The following THADA variants were observed in gnomAD, a reference collection of about 807,000 sequenced individuals.
THADA encodes the protein THADA armadillo repeat containing, also known as tRNA (32-2'-O)-methyltransferase regulator THADA.
Under a neutral mutation model 219.8 loss-of-function variants are expected in THADA, and 213 were observed. The ratio of observed to expected loss-of-function variants is 0.97; its 90% confidence interval spans 0.87 to 1.09. The LOEUF is 1.09. THADA is among the 50% of genes least tolerant of loss of function. The pLI, the probability that THADA is intolerant of heterozygous loss-of-function variation, is 0.00. For synonymous variants in THADA, 1,018 were observed against 828.9 expected (o/e 1.23, Z -3.92); for missense variants, 2,956 against 2,311.3 (o/e 1.28, Z -5.72).
At chr2:43,445,656 A>G (rs7556744) in intron 26 of THADA, among the ~76,000 whole-genome samples, 16,901 of 152,184 alleles carry the variant, frequency 0.11, 1,082 homozygotes, top group African/African-American at 0.16. Context: ...AGGTAGCCAT[A>G]GGATTTTTGG....
intron 30 of THADA, among the ~76,000 whole-genome samples, chr2:43,325,129 C>T (rs1303411833): frequency 6.6e-6 from 1 of 152,186 alleles, no homozygotes; most frequent in Non-Finnish European, 1.5e-5. Flanking sequence ...TTCTTTAAAT[C>T]TCCTGCCCTC....
At chr2:43,300,403 T>A (rs1676118522) in intron 31 of THADA, among the ~76,000 whole-genome samples, 1 of 152,070 alleles carries the variant, frequency 6.6e-6, no homozygotes, top group Non-Finnish European at 1.5e-5. Context: ...TTATTCCCAT[T>A]TTACAGATGA....
At chr2:43,510,987 A>C (rs919659099) in intron 22 of THADA, among the ~76,000 whole-genome samples, 5 of 146,338 alleles carry the variant, frequency 3.4e-5, no homozygotes, top group Admixed American at 6.7e-5. Flanking sequence ...AACTAAAAAA[A>C]TTTAAAAAAA....
rs6712958 is a variant in THADA, at chr2:43,556,523, T to G, written c.2496A>C (p.Ala832=). 8.7e-4 allele frequency: 1,409 copies of G among 1,613,844 alleles called. 17 individuals carry two copies. In the African/African-American group the frequency reaches 0.016, roughly 18 times the overall value. Residue 832 remains alanine, a synonymous_variant, in exon 17 of 38, where the codon GCA becomes GCC. Transcript: ENST00000405975. ...TGGTGCTTGTGCTGAGCTCCAATGC[T>G]GCCTGAAATAAGCCTTGCAGTTTCC... ...DSGKLQGLFQ[A]ALELSTSTKP...
chr2:43,487,402 G>A (rs986023765), intron 25 of THADA, among the ~76,000 whole-genome samples: 1 of 152,196 alleles, frequency 6.6e-6, no homozygotes, highest in African/African-American at 2.4e-5. Flanking sequence ...GTTGAGAAAT[G>A]CACACCTTAA....
At chr2:43,466,459 A>G (rs1684247504) in intron 26 of THADA, among the ~76,000 whole-genome samples, 1 of 152,142 alleles carries the variant, frequency 6.6e-6, no homozygotes. Flanking sequence ...CTGTGTGTCC[A>G]TACCTCCTTG....
intron 34 of THADA, among the ~76,000 whole-genome samples, chr2:43,288,149 T>A (rs190747203): frequency 3.3e-5 from 5 of 152,264 alleles, no homozygotes; most frequent in African/African-American, 4.8e-5. Flanking sequence ...CCGGGCACAG[T>A]GGCTCACGGC....
At chr2:43,414,311 G>C (rs1376717854) in intron 28 of THADA, among the ~76,000 whole-genome samples, 1 of 152,184 alleles carries the variant, frequency 6.6e-6, no homozygotes, top group Non-Finnish European at 1.5e-5. Context: ...CATTTACCAA[G>C]AAGCTTTATT....
In THADA at chr2:43,574,860, T is replaced by C; in HGVS notation, c.1205A>G (p.His402Arg). 6.2e-7 allele frequency: 1 copy of C among 1,614,026 alleles called. No homozygotes were observed. The highest frequency in any genetic ancestry group is 1.1e-5 in the South Asian group (1 of 91,086). ...LLEYVYTHWE[H>R]PLDALRHQTK... ...TTGGTGTCTCAGAGCATCCAATGGA[T>C]GTTCCCAATGGGTATAGACATATTC... The change falls in exon 11 of 38, where the codon CAT (histidine) becomes CGT (arginine). Residue 402 changes from histidine (H) to arginine (R), a missense_variant. His to Arg is a conservative substitution (Grantham distance 29, BLOSUM62 0). Transcript: ENST00000405975.
chr2:43,521,421 T>C (rs1368577504), intron 22 of THADA, among the ~76,000 whole-genome samples: 2 of 152,138 alleles, frequency 1.3e-5, no homozygotes, highest in African/African-American at 4.8e-5. Flanking sequence ...CCTGGCATAT[T>C]GGTTTGCTCT....
At chr2:43,286,887 C>T in intron 35 of THADA, 21 bp downstream of exon 35, 1 of 1,601,174 alleles carries the variant, frequency 6.2e-7, no homozygotes, top group Non-Finnish European at 8.6e-7. Flanking sequence ...GTACAACAGA[C>T]TTCCGTCTCG....
chr2:43,300,824 G>A (rs2104405027), intron 31 of THADA, among the ~76,000 whole-genome samples: 1 of 152,286 alleles, frequency 6.6e-6, no homozygotes, highest in South Asian at 2.1e-4. Flanking sequence ...CAGCAACTCG[G>A]ACTCAAGGAG....
At chr2:43,570,100 C>T (rs545892519) in intron 14 of THADA, among the ~76,000 whole-genome samples, 66 of 152,266 alleles carry the variant, frequency 4.3e-4, no homozygotes, top group African/African-American at 1.5e-3. Flanking sequence ...CTGTCAATTA[C>T]CCTTCTGTTA....
intron 31 of THADA, among the ~76,000 whole-genome samples, chr2:43,309,487 T>C (rs764150167): frequency 6.6e-6 from 1 of 152,186 alleles, no homozygotes; most frequent in Non-Finnish European, 1.5e-5. Context: ...CACAATGGAA[T>C]ACTACTCAGC....
chr2:43,295,300 G>A (rs920337067), intron 31 of THADA, among the ~76,000 whole-genome samples: 36 of 152,230 alleles, frequency 2.4e-4, no homozygotes, highest in Admixed American at 2.0e-4. Context: ...ATGTGGGCAA[G>A]CTGGAGGGTG....
intron 22 of THADA, among the ~76,000 whole-genome samples, chr2:43,520,490 C>G (rs1692265043): frequency 6.6e-6 from 1 of 151,968 alleles, no homozygotes; most frequent in Non-Finnish European, 1.5e-5. Flanking sequence ...GAGTTGGAGA[C>G]CAGCCTGGGC....
chr2:43,248,200 G>GAGAGAGAGAGAGAGAC (rs1558464632), intron 36 of THADA, among the ~76,000 whole-genome samples: 2 of 127,028 alleles, frequency 1.6e-5, no homozygotes, highest in South Asian at 5.4e-4. Flanking sequence ...GAGAGAGAGA[G>GAGAGAGAGAGAGAGAC]AGAGAGAGAG....
chr2:43,344,212 G>C lies in THADA; in HGVS notation c.4253C>G (p.Ser1418Ter), dbSNP rs761269249. 1 of 1,611,194 alleles carries C rather than the reference G, an allele frequency of 6.2e-7. No individual in the cohort carries two copies. The highest frequency in any genetic ancestry group is 8.5e-7 in the Non-Finnish European group (1 of 1,178,784). ...TGAATTCGTTCCGTGTTTGGAGTCT[G>C]AGTAGGCTTGCAACAAATGAAAAAC... ...LQVFHLLQAY[S>*]DSKHGTNSDF... Residue 1418 changes from serine to a stop codon, truncating the protein, a stop_gained, in exon 30 of 38, where the codon TCA becomes TGA. Transcript: ENST00000405975. LOFTEE classifies it high-confidence loss of function.
intron 28 of THADA, among the ~76,000 whole-genome samples, chr2:43,412,653 T>C (rs929455745): frequency 5.3e-5 from 8 of 152,292 alleles, no homozygotes; most frequent in African/African-American, 1.7e-4. Flanking sequence ...GACAAAACCA[T>C]TAGTCAAGAA....
Sources: allele counts gnomAD v4.1 joint callset (sites outside exome capture counted in the v4.1 genomes callset), GRCh38; gene constraint gnomAD v4.1.1; transcripts MANE v1.5; gene names NCBI Gene and HGNC (gene_info 2026-07-23, HGNC 2026-07-21).